NALF1: variants seen among roughly 807,000 people sequenced by gnomAD.
The protein encoded by NALF1 is NALCN channel auxiliary factor 1, also known as family with sequence similarity 155 member A.
In NALF1, 3 loss-of-function variants were observed where a neutral mutation model predicts 48.4. The ratio of observed to expected loss-of-function variants is 0.06; its 90% CI spans 0.03 to 0.16. NALF1 has a LOEUF of 0.16. Among genes scored for constraint, NALF1 ranks in the 10% least tolerant of loss-of-function variants. The probability of loss-of-function intolerance (pLI) is 1.00; values close to 1 mark genes in which losing one functional copy is unlikely to be tolerated. For synonymous variants in NALF1, 262 were observed against 245.7 expected (o/e 1.07, Z -0.62); for missense variants, 526 against 571.5 (o/e 0.92, Z 0.81).
chr13:107,509,891 C>T (rs139236833), intron 1 of NALF1, among the ~76,000 whole-genome samples: 137 of 152,218 alleles, frequency 9.0e-4, no homozygotes, highest in African/African-American at 3.0e-3. Flanking sequence ...CTGCATCCTC[C>T]ACTTCCCAGG....
At chr13:107,707,740 T>G (rs2138516551) in intron 1 of NALF1, among the ~76,000 whole-genome samples, 1 of 152,322 alleles carries the variant, frequency 6.6e-6, no homozygotes, top group South Asian at 2.1e-4. Flanking sequence ...TCATGCTGGG[T>G]TAGCTAGCTT....
chr13:107,688,491 C>T (rs1241495234), intron 1 of NALF1, among the ~76,000 whole-genome samples: 4 of 152,106 alleles, frequency 2.6e-5, no homozygotes, highest in Non-Finnish European at 4.4e-5. Context: ...AAATATATAA[C>T]TATGTTTTGA....
At chr13:107,209,066 C>T (rs1348492659) in intron 2 of NALF1, among the ~76,000 whole-genome samples, 1 of 152,182 alleles carries the variant, frequency 6.6e-6, no homozygotes, top group African/African-American at 2.4e-5. Flanking sequence ...AGCATATCCA[C>T]ATGGGGGAGG....
chr13:107,355,525 A>C (rs1882947394), intron 1 of NALF1, among the ~76,000 whole-genome samples: 1 of 152,018 alleles, frequency 6.6e-6, no homozygotes, highest in South Asian at 2.1e-4. Flanking sequence ...TGTAGTTCCT[A>C]TTGCTCGGGG....
intron 1 of NALF1, among the ~76,000 whole-genome samples, chr13:107,419,054 A>G (rs996863928): frequency 6.6e-6 from 1 of 152,216 alleles, no homozygotes; most frequent in Non-Finnish European, 1.5e-5. Context: ...ATAATATGAC[A>G]GCATCAGTGA....
At chr13:107,771,703 A>G (rs1877581566) in intron 1 of NALF1, among the ~76,000 whole-genome samples, 1 of 152,100 alleles carries the variant, frequency 6.6e-6, no homozygotes, top group Non-Finnish European at 1.5e-5. Flanking sequence ...CTCAGACTTG[A>G]GAGTGTCCAG....
intron 1 of NALF1, chr13:107,835,393 A>G (rs949515582): frequency 6.6e-6 from 1 of 152,246 alleles, no homozygotes; most frequent in Non-Finnish European, 1.5e-5. Flanking sequence ...ACAAGACAGC[A>G]TGACTTACCT....
At chr13:107,503,742 G>GGTCTGT (rs1462774482) in intron 1 of NALF1, among the ~76,000 whole-genome samples, 1 of 78,974 alleles carries the variant, frequency 1.3e-5, no homozygotes, top group Non-Finnish European at 3.0e-5. Context: ...ATGTGTGTCT[G>GGTCTGT]GTGTGTGTGT....
chr13:107,358,766 C>T (rs928098082), intron 1 of NALF1, among the ~76,000 whole-genome samples: 1 of 152,128 alleles, frequency 6.6e-6, no homozygotes, highest in African/African-American at 2.4e-5. Flanking sequence ...AAATCCATCA[C>T]AATATGCACG....
At chr13:107,660,475 ACACAC>A (rs1202587049) in intron 1 of NALF1, among the ~76,000 whole-genome samples, 9,468 of 135,230 alleles carry the variant, frequency 0.07, 410 homozygotes, top group African/African-American at 0.14. Flanking sequence ...ACACACACAC[ACACAC>A]ACACAACAAA....
intron 1 of NALF1, among the ~76,000 whole-genome samples, chr13:107,830,582 C>T (rs185409622): frequency 6.6e-6 from 1 of 152,126 alleles, no homozygotes. Context: ...TGTATCTTTG[C>T]TGGAGAAATA....
chr13:107,212,650 A>G (rs1050260859), intron 1 of NALF1, among the ~76,000 whole-genome samples: 1 of 152,224 alleles, frequency 6.6e-6, no homozygotes, highest in Non-Finnish European at 1.5e-5. Context: ...TGCCATAGAC[A>G]TTGACGTTTG....
At chr13:107,660,482 CACAA>C (rs1880706716) in intron 1 of NALF1, among the ~76,000 whole-genome samples, 1 of 86,676 alleles carries the variant, frequency 1.2e-5, no homozygotes, top group African/African-American at 4.3e-5. Context: ...CACACACACA[CACAA>C]CAAAGAAACA....
chr13:107,168,358 C>T lies in NALF1; in HGVS notation c.*2139G>A, dbSNP rs1201016433. The stretch of plus-strand genomic sequence containing the variant: ...GTGTTTCACAGTCAACAATTCCATG[C>T]AATTAATGTGTCTCCCCCGAGCCAT... On this transcript the variant is annotated 3_prime_UTR_variant, in exon 3 of 3. Coordinates refer to ENST00000375915, the MANE Select transcript of NALF1 (RefSeq NM_001080396.3). 2.0e-5 allele frequency: 3 copies of T among 152,168 alleles called. No individual in the cohort carries two copies. The highest frequency in any genetic ancestry group is 4.4e-5 in the Non-Finnish European group (3 of 68,058). 9.4% of individuals were successfully genotyped at this position (152,168 alleles called of 1,614,324 possible).
At chr13:107,444,545 C>A (rs1233569642) in intron 1 of NALF1, among the ~76,000 whole-genome samples, 2 of 152,058 alleles carry the variant, frequency 1.3e-5, no homozygotes, top group Non-Finnish European at 2.9e-5. Flanking sequence ...CAAAATAAAA[C>A]ATAATTTATG....
intron 2 of NALF1, among the ~76,000 whole-genome samples, chr13:107,193,853 T>C (rs1879330736): frequency 6.6e-6 from 1 of 151,946 alleles, no homozygotes. Flanking sequence ...AAAGTGGAGC[T>C]CAGAGATAGG....
At chr13:107,639,849 G>C (rs1880102352) in intron 1 of NALF1, among the ~76,000 whole-genome samples, 1 of 152,162 alleles carries the variant, frequency 6.6e-6, no homozygotes, top group African/African-American at 2.4e-5. Context: ...GTTATTATGA[G>C]TGATATTGTG....
intron 1 of NALF1, among the ~76,000 whole-genome samples, chr13:107,476,589 C>T (rs1287253248): frequency 6.6e-6 from 1 of 152,044 alleles, no homozygotes; most frequent in Non-Finnish European, 1.5e-5. Context: ...ATCAAACCAT[C>T]CAAAACATTT....
intron 1 of NALF1, among the ~76,000 whole-genome samples, chr13:107,331,027 A>G (rs1408695329): frequency 1.3e-5 from 2 of 152,202 alleles, no homozygotes; most frequent in African/African-American, 2.4e-5. Context: ...TAAAATAGGT[A>G]ATAATTGCAG....
Sources: gnomAD v4.1 joint callset for allele counts (sites outside exome capture counted in the v4.1 genomes callset) on GRCh38, gnomAD v4.1.1 for gene constraint, MANE v1.5 for transcripts, NCBI Gene and HGNC (gene_info 2026-07-23, HGNC 2026-07-21) for gene names.